Variants in USH2A observed in about 807,000 individuals in gnomAD.
The protein encoded by USH2A is usherin, also known as Usher syndrome 2A (autosomal recessive, mild).
USH2A carries 443 observed loss-of-function variants against 538.9 expected under a neutral mutation model. The observed-to-expected ratio is 0.82, with a 90% CI of 0.76 to 0.89. USH2A has a LOEUF of 0.89. Ranked by LOEUF, USH2A falls within the 40% of genes least tolerant of loss-of-function variation. The pLI is 0.00. For missense variants in USH2A, 6,633 were observed against 6,324.8 expected, an observed-to-expected ratio of 1.05 and a Z score of -1.65; for synonymous variants, 2,413 against 2,273.5, an observed-to-expected ratio of 1.06 and a Z score of -1.75.
At chr1:216,077,231 TTC>T in intron 27 of USH2A, among the ~76,000 whole-genome samples, 2 of 152,278 alleles carry the variant, frequency 1.3e-5, no homozygotes, top group South Asian at 4.1e-4. Context: ...AATTAATTAT[TTC>T]TCTGATTACA....
intron 9 of USH2A, among the ~76,000 whole-genome samples, chr1:216,317,595 C>G (rs2037532654): frequency 6.6e-6 from 1 of 152,020 alleles, no homozygotes; most frequent in Non-Finnish European, 1.5e-5. Flanking sequence ...TGCCTGTAAT[C>G]CCAGCACTTT....
chr1:216,199,863 C>T lies in USH2A; in HGVS notation c.3575G>A (p.Gly1192Asp), dbSNP rs370882987. 27 of 1,614,034 alleles carry T rather than the reference C, an allele frequency of 1.7e-5. No individual in the cohort carries two copies. Among genetic ancestry groups the T allele is most frequent in the South Asian group, 1.6e-4 (15 of 91,086 alleles). The change falls in exon 17 of 72, where the codon GGT becomes GAT. Residue 1192 changes from glycine to aspartate, a missense_variant. By Grantham distance (94) the Gly-to-Asp change is moderately conservative. Transcript: ENST00000307340. Reference protein sequence around the residue: ...YILSCAPLAGGQPCVSYEGHE... With the variant: ...YILSCAPLAGDQPCVSYEGHE... The stretch of plus-strand genomic sequence containing the variant: ...ACCTTCGTAGGAAACACATGGCTGA[C>T]CACCAGCCAAAGGGGCACAGGACAA...
intron 37 of USH2A, among the ~76,000 whole-genome samples, chr1:215,963,882 T>G (rs1667264537): frequency 1.3e-5 from 2 of 152,010 alleles, no homozygotes; most frequent in African/African-American, 4.8e-5. Flanking sequence ...ACCGATAAAT[T>G]CCAGCAGATT....
At chr1:216,028,282 G>A (rs1669015981) in intron 32 of USH2A, among the ~76,000 whole-genome samples, 1 of 152,038 alleles carries the variant, frequency 6.6e-6, no homozygotes, top group Non-Finnish European at 1.5e-5. Flanking sequence ...CAGCTACTCA[G>A]GAGACTAAGG....
intron 60 of USH2A, among the ~76,000 whole-genome samples, chr1:215,740,156 C>T: frequency 6.6e-6 from 1 of 152,156 alleles, no homozygotes; most frequent in East Asian, 1.9e-4. Flanking sequence ...CCCTCACTTT[C>T]TCTATTTTTT....
At position 215,656,894 on chromosome 1, in the gene USH2A, A is replaced by C. The variant is rs560174976; in HGVS notation, c.14134-6093T>G. On this transcript the variant is annotated intron_variant, in intron 64 of 71. Transcript: ENST00000307340. Reference sequence around the variant, plus strand: ...AATTCACATCAGAAATAAACAAAAAATCTAGCATGAACAGCTATGCCAGTA... The same window carrying C: ...AATTCACATCAGAAATAAACAAAAACTCTAGCATGAACAGCTATGCCAGTA... Among the ~76,000 whole-genome samples the C allele has an allele frequency of 1.0e-4, 16 of 152,388 alleles. No homozygotes were observed. In the South Asian group the frequency reaches 3.1e-3, roughly 30 times the overall value.
intron 21 of USH2A, among the ~76,000 whole-genome samples, chr1:216,155,842 C>T (rs530072396): frequency 6.6e-6 from 1 of 152,202 alleles, no homozygotes; most frequent in South Asian, 2.1e-4. Flanking sequence ...TTCAGCTATG[C>T]TAATTCTTAT....
chr1:215,947,333 C>T lies in USH2A; in HGVS notation c.7121-12538G>A, dbSNP rs982494848. ...TGCTGGGATCACAGGTGTAAGCCAC[C>T]GCACCAAGCCCTACTAAATTAGTTT... On this transcript the variant is annotated intron_variant, in intron 37 of 71. Coordinates refer to ENST00000307340, the MANE Select transcript of USH2A (RefSeq NM_206933.4). Among the ~76,000 whole-genome samples, 15 of 152,272 alleles carry T rather than the reference C, an allele frequency of 9.9e-5. No individual in the cohort carries two copies. The East Asian group carries it at 1.2e-3, about 12-fold the overall frequency.
chr1:216,052,171 T>C (rs1196209967), intron 30 of USH2A, among the ~76,000 whole-genome samples: 4 of 152,140 alleles, frequency 2.6e-5, no homozygotes, highest in African/African-American at 9.7e-5. Flanking sequence ...TTCTTCAGCT[T>C]TGATTTGGTA....
At chr1:216,396,649 C>A (rs550086574) in intron 3 of USH2A, among the ~76,000 whole-genome samples, 1 of 152,224 alleles carries the variant, frequency 6.6e-6, no homozygotes, top group East Asian at 1.9e-4. Flanking sequence ...ACAAGAATTT[C>A]CAGTCATAAG....
intron 64 of USH2A, among the ~76,000 whole-genome samples, chr1:215,656,297 T>C (rs959876216): frequency 6.6e-6 from 1 of 152,196 alleles, no homozygotes; most frequent in African/African-American, 2.4e-5. Flanking sequence ...TCCTGATGCA[T>C]TTTTCCTTTA....
chr1:216,153,941 G>A (rs1409011291), intron 21 of USH2A, among the ~76,000 whole-genome samples: 6 of 152,066 alleles, frequency 3.9e-5, no homozygotes, highest in Admixed American at 2.0e-4. Flanking sequence ...TCCAACTACT[G>A]AATTTATAAG....
rs993682170 is a variant in USH2A, at chr1:215,779,990, T to C, written c.10792A>G (p.Ile3598Val). Residue 3598 changes from isoleucine to valine, a missense_variant, in exon 55 of 72, where the codon ATC becomes GTC. Physicochemically the swap from Ile to Val is conservative, Grantham distance 29 (BLOSUM62 3). Transcript: ENST00000307340. ...GVPESILPPS[I>V]TALSAVALHL... ...AGAGCCACTGCACTTAGGGCTGTGA[T>C]GCTTGGTGGCAGGATGCTCTCCGGA... 6.2e-7 allele frequency: 1 copy of C among 1,614,150 alleles called. No homozygotes were observed. Among genetic ancestry groups the C allele is most frequent in the Non-Finnish European group, 8.5e-7 (1 of 1,180,042 alleles).
At chr1:216,210,965 G>A (rs1178239003) in intron 15 of USH2A, among the ~76,000 whole-genome samples, 8 of 144,134 alleles carry the variant, frequency 5.6e-5, no homozygotes, top group Admixed American at 1.4e-4. Flanking sequence ...GCGACAGAGC[G>A]AGACTCTGTC....
intron 37 of USH2A, among the ~76,000 whole-genome samples, chr1:215,949,052 T>C (rs1666845168): frequency 6.6e-6 from 1 of 152,094 alleles, no homozygotes; most frequent in African/African-American, 2.4e-5. Context: ...TACAGATCTG[T>C]GTATTTTCTG....
chr1:216,085,599 T>C (rs111822195), intron 24 of USH2A, among the ~76,000 whole-genome samples: 3,732 of 152,102 alleles, frequency 0.025, 161 homozygotes, highest in African/African-American at 0.084. Flanking sequence ...CAAAGTAAAA[T>C]TGGTTATTCA....
chr1:215,727,997 C>A (rs749675301), intron 61 of USH2A, 33 bp downstream of exon 61: 2 of 1,602,528 alleles, frequency 1.2e-6, no homozygotes, highest in Middle Eastern at 1.7e-4. Flanking sequence ...ACCAGATAAT[C>A]TGCATGTCTG....
intron 41 of USH2A, among the ~76,000 whole-genome samples, chr1:215,879,799 C>G (rs148393224): frequency 2.0e-5 from 3 of 152,158 alleles, no homozygotes; most frequent in African/African-American, 7.2e-5. Flanking sequence ...AGTTTATTTT[C>G]TTTTCTGGCT....
chr1:216,291,572 C>T (rs2037002989), intron 10 of USH2A, among the ~76,000 whole-genome samples: 1 of 152,088 alleles, frequency 6.6e-6, no homozygotes, highest in Non-Finnish European at 1.5e-5. Context: ...ACTTTGAAAC[C>T]CATCAGATAT....
Sources: gnomAD v4.1 joint callset for allele counts (sites outside exome capture counted in the v4.1 genomes callset) on GRCh38, gnomAD v4.1.1 for gene constraint, MANE v1.5 for transcripts, NCBI Gene and HGNC (gene_info 2026-07-23, HGNC 2026-07-21) for gene names.